Variants in TENT2 observed in about 807,000 individuals in gnomAD.
The protein encoded by TENT2 is poly(A) RNA polymerase GLD2.
TENT2 carries 44 observed loss-of-function variants against 72.2 expected under a neutral mutation model. The ratio of observed to expected loss-of-function variants is 0.61; its 90% CI spans 0.48 to 0.78. The LOEUF is 0.78. TENT2 is among the 30% of genes least tolerant of loss of function. The pLI is 0.00. For synonymous variants in TENT2, 212 were observed against 192.5 expected (o/e 1.10, Z -0.84); for missense variants, 541 against 569.6 (o/e 0.95, Z 0.51).
chr5:79,657,768 A>G (rs1234454660), intron 11 of TENT2, among the ~76,000 whole-genome samples: 1 of 152,108 alleles, frequency 6.6e-6, no homozygotes, highest in African/African-American at 2.4e-5. Flanking sequence ...TATTTAAGCT[A>G]CTTGTTTAGA....
chr5:79,635,024 C>T (rs1341049460), intron 4 of TENT2, among the ~76,000 whole-genome samples: 1 of 151,918 alleles, frequency 6.6e-6, no homozygotes, highest in Non-Finnish European at 1.5e-5. Flanking sequence ...AAAATTTACC[C>T]CAGAATTAAA....
At chr5:79,643,002 C>A in intron 7 of TENT2, 92 bp downstream of exon 7, 1 of 1,498,974 alleles carries the variant, frequency 6.7e-7, no homozygotes, top group South Asian at 1.3e-5. Context: ...ACTGTTTATT[C>A]TGGTCAGGAT....
chr5:79,670,692 T>C (rs1812368070), intron 12 of TENT2, among the ~76,000 whole-genome samples: 1 of 151,516 alleles, frequency 6.6e-6, no homozygotes, highest in Non-Finnish European at 1.5e-5. Context: ...ATAAATAGAC[T>C]GTGAAGGTTT....
chr5:79,643,464 A>G (rs1786058210), intron 7 of TENT2, among the ~76,000 whole-genome samples: 1 of 152,226 alleles, frequency 6.6e-6, no homozygotes. Flanking sequence ...ATGTTAAGCC[A>G]TCTCAAATAA....
In TENT2 at chr5:79,620,064, C is replaced by T; in HGVS notation, c.208C>T (p.Pro70Ser). Reference sequence around the variant, plus strand: ...CAGTCCAATACAGACCTCAGCTTCCCCATTATTTCGAGGAAGGAAGTAAGT... The same window carrying T: ...CAGTCCAATACAGACCTCAGCTTCCTCATTATTTCGAGGAAGGAAGTAAGT... ...NVSPIQTSASPLFRGRKRLSD... is the reference protein window; with the variant it reads ...NVSPIQTSASSLFRGRKRLSD... The change falls in exon 3 of 15, where the codon CCA becomes TCA. Residue 70 changes from proline to serine, a missense_variant. By Grantham distance (74) the Pro-to-Ser change is moderately conservative. Transcript: ENST00000453514. The T allele has an allele frequency of 2.5e-6, 4 of 1,607,540 alleles. No individual in the cohort carries two copies. Among genetic ancestry groups the T allele is most frequent in the Non-Finnish European group, 3.4e-6 (4 of 1,175,128 alleles).
chr5:79,684,696 AAATATT>A (rs1825230970), intron 14 of TENT2, among the ~76,000 whole-genome samples: 1 of 152,240 alleles, frequency 6.6e-6, no homozygotes, highest in Non-Finnish European at 1.5e-5. Flanking sequence ...ATCCGTGAAT[AAATATT>A]AATATTGTCA....
rs976132825 is a variant in TENT2, at chr5:79,668,928, C to T, written c.1108C>T (p.His370Tyr). Reference sequence around the variant, plus strand: ...TCCTGCTATACAGCTGCACCTTGTACATCAAGCTCCATGTAATGTTCCTCC... The same window carrying T: ...TCCTGCTATACAGCTGCACCTTGTATATCAAGCTCCATGTAATGTTCCTCC... ...FSPAIQLHLV[H>Y]QAPCNVPPYL... is the part of the protein sequence containing the mutation. Residue 370 changes from histidine (H) to tyrosine (Y), a missense_variant, in exon 12 of 15, where the codon CAT becomes TAT. Physicochemically the swap from His to Tyr is moderately conservative, Grantham distance 83. Coordinates refer to ENST00000453514, the MANE Select transcript of TENT2 (RefSeq NM_001114394.3). 1.9e-6 allele frequency: 3 copies of T among 1,613,752 alleles called. No individual in the cohort carries two copies. Among genetic ancestry groups the T allele is most frequent in the East Asian group, 2.2e-5 (1 of 44,848 alleles).
intron 12 of TENT2, among the ~76,000 whole-genome samples, chr5:79,670,335 AT>A (rs1357357496): frequency 6.6e-6 from 1 of 151,418 alleles, no homozygotes; most frequent in Non-Finnish European, 1.5e-5. Flanking sequence ...TTATTTATTT[AT>A]TTTTTTGAGA....
At chr5:79,626,159 A>T (rs1364407625) in intron 4 of TENT2, among the ~76,000 whole-genome samples, 1 of 151,548 alleles carries the variant, frequency 6.6e-6, no homozygotes, top group Non-Finnish European at 1.5e-5. Flanking sequence ...TTTAGAGATG[A>T]GGCTCTTGCT....
At position 79,685,491 on chromosome 5, in the gene TENT2, A is replaced by T. The variant is rs1825763541; in HGVS notation, c.*218A>T. ...ATTTTTAAAAATGTTTACATTGATG[A>T]TGAGTAATATTGCATGTGTTTTCAG... On this transcript the variant is annotated 3_prime_UTR_variant, in exon 15 of 15. Transcript: ENST00000453514. 5.4e-6 allele frequency: 2 copies of T among 371,554 alleles called. No individual in the cohort carries two copies. The highest frequency in any genetic ancestry group is 9.5e-5 in the South Asian group (2 of 21,000). 23.0% of individuals were successfully genotyped at this position (371,554 alleles called of 1,614,324 possible). A position where few individuals can be genotyped will look rare whatever the true frequency, so the allele number is the denominator to read the frequency against.
intron 11 of TENT2, among the ~76,000 whole-genome samples, chr5:79,666,688 T>A (rs1808362240): frequency 6.6e-6 from 1 of 152,190 alleles, no homozygotes; most frequent in South Asian, 2.1e-4. Context: ...AACCTAAATT[T>A]CTTTCTGTTT....
At chr5:79,669,313 G>T (rs1811047691) in intron 12 of TENT2, among the ~76,000 whole-genome samples, 2 of 152,156 alleles carry the variant, frequency 1.3e-5, no homozygotes, top group Admixed American at 1.3e-4. Flanking sequence ...GGCCCTATGT[G>T]TTGGTCCTGT....
At chr5:79,616,125 G>C (rs1480983307) in intron 1 of TENT2, among the ~76,000 whole-genome samples, 6 of 150,936 alleles carry the variant, frequency 4.0e-5, no homozygotes, top group Non-Finnish European at 8.8e-5. Flanking sequence ...GACCTCAGGT[G>C]ATCTGCCCAC....
chr5:79,638,540 A>G (rs750772820), intron 4 of TENT2, among the ~76,000 whole-genome samples: 6 of 152,264 alleles, frequency 3.9e-5, no homozygotes, highest in Admixed American at 2.0e-4. Flanking sequence ...ATTGTAGCCT[A>G]TGAAGCTGCT....
At chr5:79,661,023 C>T (rs1386627346) in intron 11 of TENT2, among the ~76,000 whole-genome samples, 2 of 151,906 alleles carry the variant, frequency 1.3e-5, no homozygotes, top group Non-Finnish European at 2.9e-5. Context: ...TAGAGAAAAT[C>T]TTATAGAATA....
At chr5:79,616,713 T>C (rs1389472134) in intron 1 of TENT2, among the ~76,000 whole-genome samples, 1 of 152,198 alleles carries the variant, frequency 6.6e-6, no homozygotes, top group Non-Finnish European at 1.5e-5. Flanking sequence ...GGTGAGGAAA[T>C]ATGACAGGAT....
intron 14 of TENT2, among the ~76,000 whole-genome samples, chr5:79,683,812 T>C (rs1824211663): frequency 6.9e-6 from 1 of 144,296 alleles, no homozygotes; most frequent in South Asian, 2.2e-4. Context: ...CCCAGCTACT[T>C]GGGAGGCTGA....
chr5:79,615,929 C>T (rs1416441452), intron 1 of TENT2, among the ~76,000 whole-genome samples: 1 of 151,396 alleles, frequency 6.6e-6, no homozygotes, highest in African/African-American at 2.4e-5. Flanking sequence ...CGTTTTTTCG[C>T]CCAGGCTGGA....
At position 79,623,480 on chromosome 5, in the gene TENT2, C is replaced by A; in HGVS notation, c.456C>A (p.Ala152=). Residue 152 remains alanine (A), a synonymous_variant, in exon 4 of 15, where the codon GCC becomes GCA. Coordinates refer to ENST00000453514, the MANE Select transcript of TENT2 (RefSeq NM_001114394.3). ...CTAGAGAAATCACACTGCCTGAGGCCAAAGATAAGGTAATAATAATGTAGA... is the reference window on the plus strand; with the variant it reads ...CTAGAGAAATCACACTGCCTGAGGCAAAAGATAAGGTAATAATAATGTAGA... ...LEPREITLPE[A]KDKLSQQILE... 6.3e-7 allele frequency: 1 copy of A among 1,595,618 alleles called. No homozygotes were observed. The highest frequency in any genetic ancestry group is 1.7e-5 in the Admixed American group (1 of 58,420).
Sources: allele counts gnomAD v4.1 joint callset (sites outside exome capture counted in the v4.1 genomes callset), GRCh38; gene constraint gnomAD v4.1.1; transcripts MANE v1.5; gene names NCBI Gene and HGNC (gene_info 2026-07-23, HGNC 2026-07-21).